ANPEP: variants seen among roughly 807,000 people sequenced by gnomAD.
The protein encoded by ANPEP is aminopeptidase N.
ANPEP carries 70 observed loss-of-function variants against 114.6 expected under a neutral mutation model. The ratio of observed to expected loss-of-function variants is 0.61; its 90% CI spans 0.50 to 0.75. The LOEUF (loss-of-function observed/expected upper bound fraction) is 0.75. Ranked by LOEUF, ANPEP falls within the 30% of genes least tolerant of loss-of-function variation. The pLI, the probability that ANPEP is intolerant of heterozygous loss-of-function variation, is 0.00. For missense variants in ANPEP, 1,184 were observed against 1,259.5 expected (o/e 0.94, Z 0.91); for synonymous variants, 548 against 522.3 (o/e 1.05, Z -0.67).
At chr15:89,790,663 C>G in intron 19 of ANPEP, 122 bp from the exon 20 acceptor site, 1 of 908,762 alleles carries the variant, frequency 1.1e-6, no homozygotes, top group Non-Finnish European at 1.7e-6. Flanking sequence ...CTGGGAGACC[C>G]CACTAGGATG....
rs539026352 is a variant in ANPEP, at chr15:89,808,675, G to A, written c.-223-1869C>T. Among the ~76,000 whole-genome samples, 45 of 152,258 alleles carry A rather than the reference G, an allele frequency of 3.0e-4. 1 individual carries two copies. The highest frequency in any genetic ancestry group is 9.9e-4 in the African/African-American group (41 of 41,558). ...TTCTCCAAGCATGGCAGGCAGGCCG[G>A]ACTCGTGCCAGGCCCCAGCATGTCA... On this transcript the variant is annotated intron_variant, in intron 1 of 20. Coordinates refer to ENST00000300060, the MANE Select transcript of ANPEP (RefSeq NM_001150.3).
chr15:89,787,360 A>G (rs1297332980), intron 20 of ANPEP, among the ~76,000 whole-genome samples: 1 of 152,230 alleles, frequency 6.6e-6, no homozygotes, highest in Non-Finnish European at 1.5e-5. Context: ...AACTCTTAGA[A>G]AAAACATCGT....
rs764769952 is a variant in ANPEP at position 89,790,554 on chromosome 15, A to T, written c.2670-13T>A. On this transcript the variant is annotated splice_polypyrimidine_tract_variant and intron_variant, in intron 19 of 20. Transcript: ENST00000300060. ...GCCACCACCATAACTGCAGGGAGGG[A>T]GAGAGGTGAACTGTGAGGGAGGCCG... 3.7e-6 allele frequency: 6 copies of T among 1,611,188 alleles called. No individual in the cohort carries two copies. Among genetic ancestry groups the T allele is most frequent in the Non-Finnish European group, 5.1e-6 (6 of 1,177,668 alleles).
chr15:89,812,154 C>T (rs577814335), intron 1 of ANPEP, among the ~76,000 whole-genome samples: 2 of 147,654 alleles, frequency 1.4e-5, no homozygotes, highest in African/African-American at 2.7e-5. Flanking sequence ...GGGCTGTGGC[C>T]GGGAGAGCTG....
intron 14 of ANPEP, 55 bp from the exon 15 acceptor site, chr15:89,797,777 C>T: frequency 6.2e-6 from 10 of 1,609,020 alleles, no homozygotes; most frequent in Non-Finnish European, 8.5e-6. Context: ...CCAGCCACAG[C>T]CTGGGAACCC....
intron 1 of ANPEP, among the ~76,000 whole-genome samples, chr15:89,809,172 C>T (rs912109602): frequency 1.3e-5 from 2 of 152,248 alleles, no homozygotes; most frequent in African/African-American, 4.8e-5. Context: ...CTCCTCCCAT[C>T]AGGGTGGATG....
At chr15:89,786,404 T>TTTTTTC (rs1968508075) in intron 20 of ANPEP, among the ~76,000 whole-genome samples, 2 of 150,204 alleles carry the variant, frequency 1.3e-5, no homozygotes, top group Admixed American at 6.6e-5. Flanking sequence ...TTTTTTTTTT[T>TTTTTTC]GCGGAAATTG....
chr15:89,796,139 C>T (rs1277135068), intron 15 of ANPEP, among the ~76,000 whole-genome samples: 2 of 152,176 alleles, frequency 1.3e-5, no homozygotes, highest in African/African-American at 4.8e-5. Flanking sequence ...TCCCTTGAGC[C>T]TAGGTATTTG....
At position 89,811,671 on chromosome 15, in the gene ANPEP, A is replaced by G. The variant is rs540872512; in HGVS notation, c.-224+3101T>C. On this transcript the variant is annotated intron_variant, in intron 1 of 20. Transcript: ENST00000300060. ...AAGTAAAAAAAAAAAAAAAAAGAAA[A>G]AAAGAAAAAATTGTTCCTCTAGGTA... Among the ~76,000 whole-genome samples the G allele has an allele frequency of 1.7e-4, 26 of 151,942 alleles. No individual in the cohort carries two copies. In the South Asian group the frequency reaches 5.4e-3, roughly 32 times the overall value.
At chr15:89,805,824 C>T (rs1365890602) in intron 2 of ANPEP, 146 bp downstream of exon 2, 12 of 1,175,914 alleles carry the variant, frequency 1.0e-5, no homozygotes, top group Admixed American at 7.2e-5. Flanking sequence ...AGCTGCTTTG[C>T]CAGCAGCTGG....
rs1894646005 is a variant in ANPEP, at chr15:89,803,737, C to T, written c.1347G>A (p.Leu449=). ...DVYRVMAVDA[L]ASSHPLSTPA... ...GTGTGGACAGCGGGTGGGAGGAGGC[C>T]AGTGCATCCACTGCCATCACGCGGT... Residue 449 remains leucine (L), a synonymous_variant, in exon 8 of 21, where the codon CTG becomes CTA. Transcript: ENST00000300060. This position sits in a 1 kb window ranked among gnomAD's most constrained non-coding sequence, Gnocchi z 4.2. 6.2e-7 allele frequency: 1 copy of T among 1,611,934 alleles called. No individual in the cohort carries two copies. Among genetic ancestry groups the T allele is most frequent in the African/African-American group, 1.3e-5 (1 of 74,916 alleles).
intron 1 of ANPEP, among the ~76,000 whole-genome samples, chr15:89,811,609 G>A (rs898504298): frequency 7.4e-5 from 11 of 149,526 alleles, no homozygotes; most frequent in African/African-American, 2.7e-4. Flanking sequence ...TCGTGCCACT[G>A]CACTCCAGCC....
chr15:89,786,605 ATC>A (rs1022773385), intron 20 of ANPEP, among the ~76,000 whole-genome samples: 1 of 151,850 alleles, frequency 6.6e-6, no homozygotes, highest in Admixed American at 6.6e-5. Flanking sequence ...AGGTGGGGGG[ATC>A]ACCTGAGCCT....
At position 89,804,012 on chromosome 15, in the gene ANPEP, G is replaced by C. The variant is rs1448790043; in HGVS notation, c.1180-10C>G. On this transcript the variant is annotated splice_polypyrimidine_tract_variant and intron_variant, in intron 6 of 20. Coordinates refer to ENST00000300060, the MANE Select transcript of ANPEP (RefSeq NM_001150.3). ...CCAGGTTCCCGAACCACTGTGGGGG[G>C]AGGGGTCAGCTGGGCAAGCCACGCC... is the stretch of plus-strand genomic sequence containing the variant. 5.6e-6 allele frequency: 9 copies of C among 1,613,406 alleles called. No homozygotes were observed. Among genetic ancestry groups the C allele is most frequent in the Non-Finnish European group, 7.6e-6 (9 of 1,179,470 alleles).
intron 1 of ANPEP, among the ~76,000 whole-genome samples, chr15:89,809,071 A>G (rs1176275846): frequency 6.6e-6 from 1 of 152,180 alleles, no homozygotes; most frequent in Non-Finnish European, 1.5e-5. Context: ...GATGACCCCA[A>G]GGGGCAATCG....
Position 89,814,479 on chromosome 15 carries a change from C to T in ANPEP, c.-224+293G>A, listed in dbSNP as rs534397914. ...CTCCCCGTCCGTCCTCCCCAGGCTCCCGTCGCCCTCGCCCACCCTGGGGCC... is the reference window on the plus strand; with the variant it reads ...CTCCCCGTCCGTCCTCCCCAGGCTCTCGTCGCCCTCGCCCACCCTGGGGCC... On this transcript the variant is annotated intron_variant, in intron 1 of 20. Transcript: ENST00000300060. Among the ~76,000 whole-genome samples the T allele has an allele frequency of 6.6e-5, 10 of 152,272 alleles. No homozygotes were observed. In the South Asian group the frequency reaches 1.4e-3, roughly 22 times the overall value.
intron 12 of ANPEP, among the ~76,000 whole-genome samples, chr15:89,800,510 T>C (rs1189901167): frequency 6.6e-6 from 1 of 151,748 alleles, no homozygotes; most frequent in African/African-American, 2.4e-5. Context: ...GGGCTGCTCA[T>C]AACATGTGCC....
intron 15 of ANPEP, 140 bp downstream of exon 15, chr15:89,797,435 C>CA: frequency 8.1e-7 from 1 of 1,238,186 alleles, no homozygotes; most frequent in African/African-American, 1.6e-5. Flanking sequence ...GGCAATCTTT[C>CA]TTTTTTTTTG....
At position 89,790,455 on chromosome 15, in the gene ANPEP, C is replaced by G. The variant is rs1968598572; in HGVS notation, c.2751+5G>C. 1 of 1,613,518 alleles carries G rather than the reference C, an allele frequency of 6.2e-7. No homozygotes were observed. The highest frequency in any genetic ancestry group is 8.5e-7 in the Non-Finnish European group (1 of 1,179,526). On this transcript the variant is annotated splice_donor_5th_base_variant and intron_variant, in intron 20 of 20. Coordinates refer to ENST00000300060, the MANE Select transcript of ANPEP (RefSeq NM_001150.3). ...AGAGCCCAGGTCTGGGGAATGACTTCTTACCTGCTGCAGCTCATACTCGGT... is the reference window on the plus strand; with the variant it reads ...AGAGCCCAGGTCTGGGGAATGACTTGTTACCTGCTGCAGCTCATACTCGGT...
Sources: gnomAD v4.1 joint callset for allele counts (sites outside exome capture counted in the v4.1 genomes callset) on GRCh38, gnomAD v4.1.1 for gene constraint, Gnocchi (gnomAD v3.1) non-coding constraint, MANE v1.5 for transcripts, NCBI Gene and HGNC (gene_info 2026-07-23, HGNC 2026-07-21) for gene names.